Variants in AUTS2 observed in about 807,000 individuals in gnomAD.
AUTS2 encodes the protein autism susceptibility gene 2 protein.
Under a neutral mutation model 112.4 loss-of-function variants are expected in AUTS2, and 17 were observed. The observed-to-expected ratio is 0.15, with a 90% CI of 0.10 to 0.23. The LOEUF is 0.23. AUTS2 is among the 10% of genes least tolerant of loss of function. AUTS2 has a pLI of 1.00. For missense variants in AUTS2, 1,510 were observed against 1,701.6 expected, an observed-to-expected ratio of 0.89 and a Z score of 1.98; for synonymous variants, 751 against 702.7, an observed-to-expected ratio of 1.07 and a Z score of -1.09.
chr7:69,869,481 T>C (rs1195738391), intron 1 of AUTS2, among the ~76,000 whole-genome samples: 2 of 152,000 alleles, frequency 1.3e-5, no homozygotes, highest in African/African-American at 4.8e-5. Flanking sequence ...TTTTGTTTGT[T>C]ATGTATAGTC....
At chr7:70,007,255 C>T (rs539366955) in intron 2 of AUTS2, among the ~76,000 whole-genome samples, 13 of 152,254 alleles carry the variant, frequency 8.5e-5, no homozygotes, top group Admixed American at 8.5e-4. Flanking sequence ...CTTAGCCTTT[C>T]TGTCCCCCCC....
chr7:69,623,373 G>T (rs11983891), intron 1 of AUTS2, among the ~76,000 whole-genome samples: 1 of 141,358 alleles, frequency 7.1e-6, no homozygotes, highest in Admixed American at 7.4e-5. Context: ...CCACCACCAC[G>T]CCCAGCAATT....
intron 4 of AUTS2, among the ~76,000 whole-genome samples, chr7:70,333,201 GA>G (rs1392735719): frequency 1.3e-5 from 2 of 152,024 alleles, no homozygotes; most frequent in African/African-American, 2.4e-5. Context: ...CAAGAAACAT[GA>G]AAAAAACTCA....
intron 1 of AUTS2, among the ~76,000 whole-genome samples, chr7:69,784,549 G>A (rs1789281294): frequency 6.6e-6 from 1 of 152,204 alleles, no homozygotes; most frequent in Non-Finnish European, 1.5e-5. Context: ...GCATCAGATA[G>A]TTGTGTTTTA....
chr7:69,912,465 G>A (rs1306628036), intron 2 of AUTS2, among the ~76,000 whole-genome samples: 1 of 152,202 alleles, frequency 6.6e-6, no homozygotes, highest in Non-Finnish European at 1.5e-5. Flanking sequence ...CAGCATCTTG[G>A]CAGCGGCTGC....
intron 4 of AUTS2, among the ~76,000 whole-genome samples, chr7:70,157,359 G>A (rs2129576942): frequency 6.6e-6 from 1 of 152,212 alleles, no homozygotes; most frequent in South Asian, 2.1e-4. Flanking sequence ...GCTCATTGCA[G>A]CCTCAACCAC....
At chr7:70,477,435 C>T (rs1797624597) in intron 5 of AUTS2, among the ~76,000 whole-genome samples, 2 of 152,122 alleles carry the variant, frequency 1.3e-5, no homozygotes, top group Admixed American at 1.3e-4. Context: ...TTCCAGACTC[C>T]CTCCGTTACT....
intron 6 of AUTS2, among the ~76,000 whole-genome samples, chr7:70,736,039 C>CATGT (rs1554473831): frequency 1.3e-5 from 2 of 151,156 alleles, no homozygotes; most frequent in Admixed American, 6.6e-5. Context: ...TTTTATTATA[C>CATGT]GTGTGTGTGT....
At chr7:70,371,753 C>T (rs557690942) in intron 4 of AUTS2, among the ~76,000 whole-genome samples, 5 of 152,226 alleles carry the variant, frequency 3.3e-5, no homozygotes, top group Non-Finnish European at 5.9e-5. Flanking sequence ...TAATGAGTCA[C>T]TGATAGATAT....
chr7:70,705,733 A>G (rs73435076), intron 6 of AUTS2, among the ~76,000 whole-genome samples: 1 of 152,186 alleles, frequency 6.6e-6, no homozygotes, highest in Non-Finnish European at 1.5e-5. Flanking sequence ...GAAGTGGCCC[A>G]GAAAGTGGAG....
chr7:70,075,898 TC>T (rs1417069317), intron 2 of AUTS2, among the ~76,000 whole-genome samples: 1 of 152,230 alleles, frequency 6.6e-6, no homozygotes, highest in Non-Finnish European at 1.5e-5. Context: ...CCAAACTTTT[TC>T]TATACATAGC....
At chr7:70,709,487 G>C (rs545365724) in intron 6 of AUTS2, among the ~76,000 whole-genome samples, 1 of 152,010 alleles carries the variant, frequency 6.6e-6, no homozygotes, top group Non-Finnish European at 1.5e-5. Context: ...GAGGCGGGCG[G>C]ATCACTTGAG....
chr7:70,256,856 C>T (rs184561741), intron 4 of AUTS2, among the ~76,000 whole-genome samples: 1 of 152,168 alleles, frequency 6.6e-6, no homozygotes, highest in Non-Finnish European at 1.5e-5. Context: ...CCCACCTCAG[C>T]TCTCAGTCTG....
At chr7:69,878,885 T>G (rs778685424) in intron 1 of AUTS2, among the ~76,000 whole-genome samples, 18 of 152,142 alleles carry the variant, frequency 1.2e-4, no homozygotes, top group Non-Finnish European at 2.5e-4. Flanking sequence ...GTCCTGCTAT[T>G]GAAAAGAGTA....
At chr7:70,095,443 C>T (rs767638184) in intron 2 of AUTS2, among the ~76,000 whole-genome samples, 16 of 152,128 alleles carry the variant, frequency 1.1e-4, no homozygotes, top group Admixed American at 3.3e-4. Context: ...TTAGGAGAGG[C>T]TAACTCTTGT....
At chr7:69,742,999 A>G (rs1481193664) in intron 1 of AUTS2, among the ~76,000 whole-genome samples, 1 of 152,184 alleles carries the variant, frequency 6.6e-6, no homozygotes, top group Non-Finnish European at 1.5e-5. Flanking sequence ...ACTGATGGGG[A>G]AGGCCTTCTG....
At chr7:70,592,373 A>AT (rs1010347383) in intron 5 of AUTS2, among the ~76,000 whole-genome samples, 42 of 150,442 alleles carry the variant, frequency 2.8e-4, no homozygotes, top group Non-Finnish European at 4.4e-4. Context: ...TATTTATTTT[A>AT]TTTTTTTTTG....
chr7:69,611,149 A>G (rs992123743), intron 1 of AUTS2, among the ~76,000 whole-genome samples: 1 of 152,160 alleles, frequency 6.6e-6, no homozygotes, highest in Non-Finnish European at 1.5e-5. Flanking sequence ...GATTACTTTT[A>G]TATGTCTGTT....
intron 4 of AUTS2, among the ~76,000 whole-genome samples, chr7:70,328,814 AT>A (rs1377565468): frequency 6.6e-6 from 1 of 152,214 alleles, no homozygotes; most frequent in African/African-American, 2.4e-5. Flanking sequence ...AAAATTAACA[AT>A]TTTAAAGTGA....
Sources: allele counts gnomAD v4.1 joint callset (sites outside exome capture counted in the v4.1 genomes callset), GRCh38; gene constraint gnomAD v4.1.1; transcripts MANE v1.5; gene names NCBI Gene and HGNC (gene_info 2026-07-23, HGNC 2026-07-21).